Variants in TNS2 observed in about 807,000 individuals in gnomAD.
The protein encoded by TNS2 is tensin 2, also known as tensin-2.
A neutral mutation model predicts 155.7 loss-of-function variants in TNS2; 77 were observed. That is an observed-to-expected ratio of 0.49 (90% CI 0.41 to 0.60). TNS2 has a LOEUF of 0.60. Ranked by LOEUF, TNS2 falls within the 20% of genes least tolerant of loss-of-function variation. The pLI, the probability that TNS2 is intolerant of heterozygous loss-of-function variation, is 0.00. For synonymous variants in TNS2, 726 were observed against 763.9 expected, an observed-to-expected ratio of 0.95 and a Z score of 0.82; for missense variants, 1,703 against 1,868.8, an observed-to-expected ratio of 0.91 and a Z score of 1.64.
intron 21 of TNS2, 144 bp from the exon 22 acceptor site, chr12:53,061,671 G>A (rs969506034): frequency 6.9e-7 from 1 of 1,445,962 alleles, no homozygotes. Flanking sequence ...GTGAACTCTA[G>A]AGCCCTGGCC....
rs200449214 is a variant in TNS2 at position 53,060,979 on chromosome 12, G to A, written c.3073G>A (p.Asp1025Asn). ...APWQGPRGPPDSPDGSPLTPV... is the reference protein window; with the variant it reads ...APWQGPRGPPNSPDGSPLTPV... ...CTGGCAAGGCCCTCGAGGCCCCCCC[G>A]ACAGCCCAGATGGGTCTCCCCTCAC... Residue 1025 changes from aspartate (D) to asparagine (N), a missense_variant, in exon 20 of 29, where the codon GAC becomes AAC. Coordinates refer to ENST00000314250, the MANE Select transcript of TNS2 (RefSeq NM_170754.4). The surrounding 1 kb of genome is among the most constrained non-coding windows in gnomAD (Gnocchi z 6.1). The A allele has an allele frequency of 5.8e-4, 938 of 1,610,470 alleles. No individual in the cohort carries two copies. The highest frequency in any genetic ancestry group is 7.0e-4 in the Non-Finnish European group (826 of 1,178,504).
chr12:53,049,273 C>T (rs768774718), upstream of TNS2: 9 of 1,591,602 alleles, frequency 5.7e-6, no homozygotes, highest in East Asian at 2.3e-5. Context: ...TCGGGGTTGC[C>T]GCGGGGGGAG....
Position 53,058,091 on chromosome 12 carries a change from G to A in TNS2, c.1084G>A (p.Gly362Ser), listed in dbSNP as rs759397813. ...CCTGGAGCCAGCCCTCCTCCTCAAAGGCGATGTCATGGTGAGGGGGGTCCT... is the reference window on the plus strand; with the variant it reads ...CCTGGAGCCAGCCCTCCTCCTCAAAAGCGATGTCATGGTGAGGGGGGTCCT... ...ISLEPALLLKGDVMVTCYHKG... is the reference protein window; with the variant it reads ...ISLEPALLLKSDVMVTCYHKG... The change falls in exon 14 of 29, where the codon GGC becomes AGC. Residue 362 changes from glycine to serine, a missense_variant. Coordinates refer to ENST00000314250, the MANE Select transcript of TNS2 (RefSeq NM_170754.4). 19 of 1,614,054 alleles carry A rather than the reference G, an allele frequency of 1.2e-5. No homozygotes were observed. In the Admixed American group the frequency reaches 3.2e-4, roughly 27 times the overall value.
chr12:53,055,602 C>T lies in TNS2; in HGVS notation c.608C>T (p.Pro203Leu). Reference sequence around the variant, plus strand: ...TTCGGCTGGCCTGAGCTGCATGCTCCACCCCTGGACAAGCTGTGCTCCATC... The same window carrying T: ...TTCGGCTGGCCTGAGCTGCATGCTCTACCCCTGGACAAGCTGTGCTCCATC... ...QDFGWPELHA[P>L]PLDKLCSICK... The change falls in exon 9 of 29, where the codon CCA (proline) becomes CTA (leucine). Residue 203 changes from proline to leucine, a missense_variant. Pro to Leu is a moderately conservative substitution (Grantham distance 98). Transcript: ENST00000314250. 6.2e-7 allele frequency: 1 copy of T among 1,612,324 alleles called. No individual in the cohort carries two copies.
At chr12:53,057,131 A>G in intron 11 of TNS2, 35 bp downstream of exon 11, 3 of 1,591,688 alleles carry the variant, frequency 1.9e-6, no homozygotes, top group Non-Finnish European at 2.6e-6. Flanking sequence ...CCAGAGGAGC[A>G]GCTCCCTTCA....
At chr12:53,047,325 C>T (rs1943757765), upstream of TNS2, among the ~76,000 whole-genome samples, 1 of 145,912 alleles carries the variant, frequency 6.9e-6, no homozygotes, top group Non-Finnish European at 1.5e-5. Flanking sequence ...GCTCCCCCTG[C>T]TGCTGCCCCG....
rs776706974 is a variant in TNS2, at chr12:53,063,317, G to T, written c.3993-32G>T. The stretch of plus-strand genomic sequence containing the variant: ...AAGGCCCCTGGGGGCTCATGTTTCT[G>T]AGTGTGACCTTCCTCACCCTCCTCC... On this transcript the variant is annotated intron_variant, in intron 26 of 28. Transcript: ENST00000314250. The surrounding 1 kb of genome is among the most constrained non-coding windows in gnomAD (Gnocchi z 5.6). The T allele has an allele frequency of 6.2e-7, 1 of 1,613,964 alleles. No individual in the cohort carries two copies. The highest frequency in any genetic ancestry group is 2.2e-5 in the East Asian group (1 of 44,858).
In TNS2 at chr12:53,051,909, C is replaced by G. The variant is rs757236792; in HGVS notation, c.130C>G (p.Pro44Ala). Residue 44 changes from proline (P) to alanine (A), a missense_variant, in exon 2 of 29, where the codon CCA becomes GCA. Physicochemically the swap from Pro to Ala is conservative, Grantham distance 27. Transcript: ENST00000314250. ...FREKVFRKKP[P>A]VCAVCKVTID... ...GGAGAAGGTTTTCCGGAAGAAACCTCCAGTCTGTGCAGTATGTAAGGTGAC... is the reference window on the plus strand; with the variant it reads ...GGAGAAGGTTTTCCGGAAGAAACCTGCAGTCTGTGCAGTATGTAAGGTGAC... 3.1e-6 allele frequency: 5 copies of G among 1,613,574 alleles called. No individual in the cohort carries two copies. In the South Asian group the frequency reaches 5.5e-5, roughly 18 times the overall value.
chr12:53,057,916 A>G (rs1164239582), intron 13 of TNS2, 83 bp downstream of exon 13: 9 of 1,608,982 alleles, frequency 5.6e-6, no homozygotes, highest in African/African-American at 1.3e-5. Flanking sequence ...CAGCCTCCCT[A>G]GACACCTGGG....
rs1366960770 is a variant in TNS2, at chr12:53,057,633, G to A, written c.912G>A (p.Leu304=). Residue 304 remains leucine, a synonymous_variant, in exon 12 of 29, where the codon CTG becomes CTA. Coordinates refer to ENST00000314250, the MANE Select transcript of TNS2 (RefSeq NM_170754.4). ...SIRMNSSPLF[L]HYVLIPMLPA... ...GAATGAACAGCAGCCCTCTCTTCCT[G>A]CACTATGTGCTCATCCCCATGCTGC... 21 of 1,613,938 alleles carry A rather than the reference G, an allele frequency of 1.3e-5. No individual in the cohort carries two copies. The highest frequency in any genetic ancestry group is 1.7e-5 in the Non-Finnish European group (20 of 1,179,958).
At position 53,060,168 on chromosome 12, in the gene TNS2, A is replaced by G; in HGVS notation, c.2527A>G (p.Lys843Glu). ...CAGCCCGCCCTATCCACAATCTAGG[A>G]AGCTGAGCTACGAGATCCCTACGGA... is the stretch of plus-strand genomic sequence containing the variant. ...PGSPPYPQSR[K>E]LSYEIPTEEG... Residue 843 changes from lysine (K) to glutamate (E), a missense_variant, in exon 18 of 29, where the codon AAG becomes GAG. Lys to Glu is a moderately conservative substitution (Grantham distance 56). Transcript: ENST00000314250. This position sits in a 1 kb window ranked among gnomAD's most constrained non-coding sequence, Gnocchi z 6.1. 6.2e-7 allele frequency: 1 copy of G among 1,606,374 alleles called. No individual in the cohort carries two copies.
rs200216494 is a variant in TNS2 at position 53,061,929 on chromosome 12, A to G, written c.3563A>G (p.Gln1188Arg). 2.1e-5 allele frequency: 34 copies of G among 1,612,000 alleles called. No individual in the cohort carries two copies. In the Middle Eastern group the frequency reaches 3.5e-3, roughly 164 times the overall value. Reference sequence around the variant, plus strand: ...GTGGCCACACCGCCACCCAGTGCCCAGCCCTGGAAAGGTACAGAACACCCA... The same window carrying G: ...GTGGCCACACCGCCACCCAGTGCCCGGCCCTGGAAAGGTACAGAACACCCA... The part of the protein sequence containing the change: ...LKVATPPPSA[Q>R]PWKGDPVEQL... Residue 1188 changes from glutamine to arginine, a missense_variant, in exon 22 of 29, where the codon CAG becomes CGG. By Grantham distance (43) the Gln-to-Arg change is conservative. Transcript: ENST00000314250.
At position 53,060,593 on chromosome 12, in the gene TNS2, G is replaced by T. The variant is rs1023057257; in HGVS notation, c.2768+38G>T. The T allele has an allele frequency of 4.4e-6, 7 of 1,603,030 alleles. No homozygotes were observed. The African/African-American group carries it at 5.4e-5, about 12-fold the overall frequency. The stretch of plus-strand genomic sequence containing the variant: ...GCCGGGGATGCTCGAGTGCTTTCTT[G>T]TCCAAGCAGTTGATGAAGGCAGGTG... On this transcript the variant is annotated intron_variant, in intron 19 of 28. Coordinates refer to ENST00000314250, the MANE Select transcript of TNS2 (RefSeq NM_170754.4). The surrounding 1 kb of genome is among the most constrained non-coding windows in gnomAD (Gnocchi z 6.1).
At chr12:53,062,981 T>C (rs918168553) in intron 25 of TNS2, 108 bp from the exon 26 acceptor site, 9 of 1,394,650 alleles carry the variant, frequency 6.5e-6, no homozygotes, top group Non-Finnish European at 6.7e-6. Flanking sequence ...ACAAGTCACC[T>C]ATGTGATTGT....
chr12:53,048,390 AGTCCTG>A (rs1442999508), upstream of TNS2, among the ~76,000 whole-genome samples: 1 of 152,182 alleles, frequency 6.6e-6, no homozygotes, highest in Admixed American at 6.5e-5. Context: ...CATGTAGAGG[AGTCCTG>A]GTCAGGGCCA....
In TNS2 at chr12:53,063,017, G is replaced by C; in HGVS notation, c.3824-72G>C. 2.0e-6 allele frequency: 3 copies of C among 1,486,872 alleles called. No individual in the cohort carries two copies. Among genetic ancestry groups the C allele is most frequent in the Non-Finnish European group, 2.7e-6 (3 of 1,117,826 alleles). 92.1% of individuals were successfully genotyped at this position (1,486,872 alleles called of 1,614,324 possible). ...AAAGCATGTGACAGCAGTAGCTGGG[G>C]AATGTGCAAGAGCTGGTGGGGGTGG... On this transcript the variant is annotated intron_variant, in intron 25 of 28. Coordinates refer to ENST00000314250, the MANE Select transcript of TNS2 (RefSeq NM_170754.4). The surrounding 1 kb of genome is among the most constrained non-coding windows in gnomAD (Gnocchi z 5.6).
In TNS2 at chr12:53,061,033, G is replaced by A. The variant is rs1304418247; in HGVS notation, c.3127G>A (p.Val1043Met). 1.2e-6 allele frequency: 2 copies of A among 1,613,764 alleles called. No homozygotes were observed. Among genetic ancestry groups the A allele is most frequent in the South Asian group, 1.1e-5 (1 of 91,060 alleles). ...TGTGCCTTCCCAGATGCCCTGGCTT[G>A]TGGCCAGCCCAGAGCCGCCTCAGAG... Reference protein sequence around the residue: ...TPVPSQMPWLVASPEPPQSSP... With the variant: ...TPVPSQMPWLMASPEPPQSSP... The change falls in exon 20 of 29, where the codon GTG (valine) becomes ATG (methionine). Residue 1043 changes from valine to methionine, a missense_variant. Physicochemically the swap from Val to Met is conservative, Grantham distance 21. Coordinates refer to ENST00000314250, the MANE Select transcript of TNS2 (RefSeq NM_170754.4).
rs1336924443 is a variant in TNS2, at chr12:53,058,044, G to T, written c.1037G>T (p.Gly346Val). ...CCCCACAGTCACATTGCAGGCCCTG[G>T]TCCCCAGCAGCTTTGCATCAGCCTG... Reference protein sequence around the residue: ...TSGVYHIAGPGPQQLCISLEP... With the variant: ...TSGVYHIAGPVPQQLCISLEP... The change falls in exon 14 of 29, where the codon GGT (glycine) becomes GTT (valine). Residue 346 changes from glycine (G) to valine (V), a missense_variant. Physicochemically the swap from Gly to Val is moderately radical, Grantham distance 109. Transcript: ENST00000314250. 2 of 1,613,954 alleles carry T rather than the reference G, an allele frequency of 1.2e-6. No individual in the cohort carries two copies. The highest frequency in any genetic ancestry group is 2.7e-5 in the African/African-American group (2 of 74,910).
chr12:53,064,242 G>C lies in TNS2; in HGVS notation c.*360G>C, dbSNP rs191919395. ...TCCACCCAGCTGCAGGTGCCAGCAC[G>C]GCAGGGATGGGAGAGGGGTGGGGAG... On this transcript the variant is annotated 3_prime_UTR_variant, in exon 29 of 29. Coordinates refer to ENST00000314250, the MANE Select transcript of TNS2 (RefSeq NM_170754.4). The C allele has an allele frequency of 1.5e-3, 364 of 247,912 alleles. 3 individuals carry two copies. Among genetic ancestry groups the C allele is most frequent in the African/African-American group, 7.6e-3 (344 of 45,024 alleles). The allele number at this position is 247,912 out of a possible 1,614,324, so 15.4% of individuals were successfully genotyped here. A position where few individuals can be genotyped will look rare whatever the true frequency, so the allele number is the denominator to read the frequency against.
Sources: gnomAD v4.1 joint callset for allele counts (sites outside exome capture counted in the v4.1 genomes callset) on GRCh38, gnomAD v4.1.1 for gene constraint, Gnocchi (gnomAD v3.1) non-coding constraint, MANE v1.5 for transcripts, NCBI Gene and HGNC (gene_info 2026-07-23, HGNC 2026-07-21) for gene names.